Variants in SYBU observed in about 807,000 individuals in gnomAD.
SYBU encodes syntabulin.
A neutral mutation model predicts 35.9 loss-of-function variants in SYBU; 21 were observed. The observed-to-expected ratio is 0.58, with a 90% confidence interval of 0.41 to 0.84. SYBU has a LOEUF of 0.84. Among genes scored for constraint, SYBU ranks in the 40% least tolerant of loss-of-function variants. The pLI is 0.00. For synonymous variants in SYBU, 319 were observed against 324.3 expected, an observed-to-expected ratio of 0.98 and a Z score of 0.18; for missense variants, 768 against 848.2, an observed-to-expected ratio of 0.91 and a Z score of 1.17.
At chr8:109,602,766 T>C (rs1419698122) in intron 3 of SYBU, among the ~76,000 whole-genome samples, 1 of 152,140 alleles carries the variant, frequency 6.6e-6, no homozygotes, top group Non-Finnish European at 1.5e-5. Context: ...GTCAATACAA[T>C]AAAACAAATA....
chr8:109,663,580 T>C (rs1488896518), intron 1 of SYBU, among the ~76,000 whole-genome samples: 1 of 152,174 alleles, frequency 6.6e-6, no homozygotes, highest in African/African-American at 2.4e-5. Context: ...CATGCCAATA[T>C]TTGATAGAAG....
chr8:109,575,740 G>A lies in SYBU; in HGVS notation c.1158C>T (p.Asp386=), dbSNP rs113453782. 9.4e-3 allele frequency: 15,169 copies of A among 1,614,114 alleles called. 104 individuals are homozygous for A. The highest frequency in any genetic ancestry group is 0.014 in the South Asian group (1,293 of 91,078). ...CACATGGAAAGTCTAGGCACAGTTC[G>A]TCCCTCAGAGAGCCACTGTGTGCCA... ...MEMAHSGSLR[D]ELCLDFPCDS... Residue 386 remains aspartate, a synonymous_variant, in exon 7 of 7, where the codon GAC becomes GAT. Coordinates refer to ENST00000276646, the MANE Select transcript of SYBU (RefSeq NM_001099754.2).
At chr8:109,630,734 C>T (rs2130516111) in intron 2 of SYBU, among the ~76,000 whole-genome samples, 1 of 152,224 alleles carries the variant, frequency 6.6e-6, no homozygotes, top group East Asian at 1.9e-4. Flanking sequence ...TCTGGTTTTG[C>T]TATGCTACAT....
intron 2 of SYBU, among the ~76,000 whole-genome samples, chr8:109,624,874 A>C (rs1279936810): frequency 6.6e-6 from 1 of 152,204 alleles, no homozygotes; most frequent in Non-Finnish European, 1.5e-5. Flanking sequence ...TATATTGTCT[A>C]TGGTGGCTTT....
At chr8:109,614,668 T>C (rs775816362) in intron 3 of SYBU, among the ~76,000 whole-genome samples, 1 of 152,234 alleles carries the variant, frequency 6.6e-6, no homozygotes, top group African/African-American at 2.4e-5. Flanking sequence ...TTTAATACTT[T>C]ATGACAGACA....
At chr8:109,675,168 A>G (rs1563776684) in intron 1 of SYBU, among the ~76,000 whole-genome samples, 2 of 152,200 alleles carry the variant, frequency 1.3e-5, no homozygotes, top group African/African-American at 2.4e-5. Flanking sequence ...GTAGCACTAA[A>G]TGCCCACAGG....
Position 109,643,151 on chromosome 8 carries a change from A to G in SYBU, c.25-219T>C, listed in dbSNP as rs1286740520. The G allele has an allele frequency of 3.1e-5, 14 of 456,092 alleles. No homozygotes were observed. The South Asian group carries it at 5.6e-4, about 18-fold the overall frequency. 28.3% of individuals were successfully genotyped at this position (456,092 alleles called of 1,614,324 possible). On this transcript the variant is annotated intron_variant, in intron 1 of 6. Coordinates refer to ENST00000276646, the MANE Select transcript of SYBU (RefSeq NM_001099754.2). ...TGAATAGCACATGTCTGTGTGGCAC[A>G]CACACACACACACACACACACATAT... is the stretch of plus-strand genomic sequence containing the variant.
chr8:109,658,673 G>C (rs1344388419), intron 1 of SYBU, among the ~76,000 whole-genome samples: 1 of 133,428 alleles, frequency 7.5e-6, no homozygotes, highest in Non-Finnish European at 1.5e-5. Flanking sequence ...TTATATTCAT[G>C]GCCGGCATGG....
At chr8:109,677,016 C>G (rs1156487111) in intron 1 of SYBU, among the ~76,000 whole-genome samples, 2 of 151,496 alleles carry the variant, frequency 1.3e-5, no homozygotes, top group Non-Finnish European at 2.9e-5. Context: ...TCTCTTTTCT[C>G]TGTCTTTCAG....
Position 109,575,965 on chromosome 8 carries a change from C to T in SYBU, c.933G>A (p.Glu311=), listed in dbSNP as rs372243635. The T allele has an allele frequency of 6.2e-7, 1 of 1,611,040 alleles. No individual in the cohort carries two copies. The highest frequency in any genetic ancestry group is 8.5e-7 in the Non-Finnish European group (1 of 1,179,848). The part of the protein sequence containing the change: ...ELKSQLARMR[E]DWIEEECHRV... ...GGTGACACTCCTCCTCAATCCAGTC[C>T]TCTCGCATGCGGGCCAGCTGGGACT... The change falls in exon 7 of 7, where the codon GAG becomes GAA. Residue 311 remains glutamate (E), a synonymous_variant. Transcript: ENST00000276646.
chr8:109,642,804 C>G lies in SYBU; in HGVS notation c.153G>C (p.Glu51Asp), dbSNP rs759908629. Residue 51 changes from glutamate to aspartate, a missense_variant, in exon 2 of 7, where the codon GAG (glutamate) becomes GAC (aspartate). Transcript: ENST00000276646. Reference protein sequence around the residue: ...VSPASESPFSEEESREFNPSS... With the variant: ...VSPASESPFSDEESREFNPSS... ...TGGGGTTGAACTCTCTGCTCTCTTC[C>G]TCAGAGAAAGGAGACTCAGAGGCTG... 1 of 1,613,640 alleles carries G rather than the reference C, an allele frequency of 6.2e-7. No individual in the cohort carries two copies. The highest frequency in any genetic ancestry group is 2.2e-5 in the East Asian group (1 of 44,870).
At chr8:109,657,174 T>C (rs1029772196) in intron 1 of SYBU, among the ~76,000 whole-genome samples, 2 of 152,186 alleles carry the variant, frequency 1.3e-5, no homozygotes, top group African/African-American at 4.8e-5. Context: ...CATTAAAAAC[T>C]AAGTAGACGT....
chr8:109,627,879 T>C (rs1405374684), intron 2 of SYBU, among the ~76,000 whole-genome samples: 1 of 152,218 alleles, frequency 6.6e-6, no homozygotes, highest in African/African-American at 2.4e-5. Flanking sequence ...TAATTTTGAA[T>C]TCTAGGTTTT....
intron 2 of SYBU, among the ~76,000 whole-genome samples, chr8:109,637,258 G>A (rs1460143968): frequency 6.6e-6 from 1 of 152,092 alleles, no homozygotes; most frequent in Non-Finnish European, 1.5e-5. Context: ...CTCTAAAATT[G>A]GAAAACATTC....
In SYBU at chr8:109,691,452, G is replaced by A. The variant is rs1430838064; in HGVS notation, c.-177C>T. On this transcript the variant is annotated 5_prime_UTR_variant, in exon 1 of 8. Coordinates refer to the SYBU transcript ENST00000422135. This position sits in a 1 kb window ranked among gnomAD's most constrained non-coding sequence, Gnocchi z 4.7. ...CGGACGGGACCCCGCGTCGCTGCTG[G>A]TTTGCGCTCAGGCCCGGGGAGCCGG... 1.6e-6 allele frequency: 1 copy of A among 641,042 alleles called. No homozygotes were observed. Among genetic ancestry groups the A allele is most frequent in the Non-Finnish European group, 2.8e-6 (1 of 360,140 alleles). The allele number at this position is 641,042 out of a possible 1,614,324, so 39.7% of individuals were successfully genotyped here.
chr8:109,596,541 G>A (rs979124174), intron 3 of SYBU, among the ~76,000 whole-genome samples: 1 of 152,188 alleles, frequency 6.6e-6, no homozygotes, highest in African/African-American at 2.4e-5. Flanking sequence ...ATTTTTAAAA[G>A]GTAGAATTTG....
chr8:109,645,482 G>T, upstream of SYBU: 1 of 368,306 alleles, frequency 2.7e-6, no homozygotes, highest in Non-Finnish European at 5.4e-6. Context: ...CTGCCCTGCA[G>T]CTGCCCGGCT....
intron 1 of SYBU, among the ~76,000 whole-genome samples, chr8:109,674,330 G>A (rs1019583843): frequency 3.9e-5 from 6 of 152,000 alleles, no homozygotes; most frequent in South Asian, 2.1e-4. Context: ...GACTAACAGC[G>A]GATCTCTCTG....
intron 3 of SYBU, among the ~76,000 whole-genome samples, chr8:109,596,396 G>T (rs1824882254): frequency 6.6e-6 from 1 of 152,100 alleles, no homozygotes; most frequent in Admixed American, 6.5e-5. Flanking sequence ...TATAATAAAT[G>T]AAGAAACCAC....
Sources: allele counts gnomAD v4.1 joint callset (sites outside exome capture counted in the v4.1 genomes callset), GRCh38; gene constraint gnomAD v4.1.1; non-coding constraint Gnocchi (gnomAD v3.1); transcripts MANE v1.5; gene names NCBI Gene and HGNC (gene_info 2026-07-23, HGNC 2026-07-21).